The following LUZP2 variants were observed in gnomAD, a reference collection of about 807,000 sequenced individuals.
LUZP2 encodes leucine zipper protein 2.
Under a neutral mutation model 51.6 loss-of-function variants are expected in LUZP2, and 52 were observed. That is an observed-to-expected ratio of 1.01 (90% CI 0.81 to 1.27). The LOEUF (loss-of-function observed/expected upper bound fraction) is 1.27, where lower values mean the gene tolerates loss of function less well. Among genes scored for constraint, LUZP2 ranks in the 50% most tolerant of loss-of-function variants. The pLI is 0.00. For missense variants in LUZP2, 436 were observed against 395.4 expected, an observed-to-expected ratio of 1.10 and a Z score of -0.87; for synonymous variants, 154 against 137.3, an observed-to-expected ratio of 1.12 and a Z score of -0.85.
chr11:24,699,386 C>G (rs895126651), intron 1 of LUZP2, among the ~76,000 whole-genome samples: 1 of 152,020 alleles, frequency 6.6e-6, no homozygotes, highest in Non-Finnish European at 1.5e-5. Context: ...TCACATTTTT[C>G]ATGAACTTTT....
At chr11:24,920,004 A>C (rs1853982542) in intron 7 of LUZP2, among the ~76,000 whole-genome samples, 1 of 151,856 alleles carries the variant, frequency 6.6e-6, no homozygotes, top group South Asian at 2.1e-4. Flanking sequence ...CCTTTAAGAG[A>C]TTATAAAGTA....
chr11:24,497,355 A>T, intron 1 of LUZP2, 50 bp downstream of exon 1: 1 of 1,411,842 alleles, frequency 7.1e-7, no homozygotes, highest in Non-Finnish European at 9.4e-7. Flanking sequence ...TGCCGGGGCG[A>T]GGTTGGTCCT....
chr11:25,012,408 TA>T, intron 9 of LUZP2, among the ~76,000 whole-genome samples: 1 of 152,282 alleles, frequency 6.6e-6, no homozygotes, highest in East Asian at 1.9e-4. Context: ...ACATTGTAAA[TA>T]TTGGACTTCC....
At chr11:24,526,021 A>G (rs982585137) in intron 1 of LUZP2, among the ~76,000 whole-genome samples, 10 of 151,458 alleles carry the variant, frequency 6.6e-5, no homozygotes, top group African/African-American at 2.4e-4. Flanking sequence ...AGCATACATT[A>G]CCAAATACTG....
At chr11:24,938,253 ATT>A (rs1854645992) in intron 7 of LUZP2, among the ~76,000 whole-genome samples, 1 of 152,130 alleles carries the variant, frequency 6.6e-6, no homozygotes. Flanking sequence ...TTTTAAATCT[ATT>A]TTTTAATTAA....
chr11:24,607,259 T>C (rs1279693527), intron 1 of LUZP2, among the ~76,000 whole-genome samples: 2 of 151,606 alleles, frequency 1.3e-5, no homozygotes, highest in Non-Finnish European at 2.9e-5. Flanking sequence ...TTCTAATTAT[T>C]TTATAGCTCC....
chr11:24,546,219 G>A lies in LUZP2; in HGVS notation c.62+48914G>A, dbSNP rs1414234143. 7.2e-5 allele frequency among the ~76,000 whole-genome samples: 11 copies of A among 151,940 alleles called. 1 individual carries two copies. The South Asian group carries it at 1.2e-3, about 17-fold the overall frequency. On this transcript the variant is annotated intron_variant, in intron 1 of 11. Coordinates refer to ENST00000336930, the MANE Select transcript of LUZP2 (RefSeq NM_001009909.4). The stretch of plus-strand genomic sequence containing the variant: ...GGTTTCTTCGATACAGGATTATATT[G>A]TCTACAAATAAGGATAGTTTGACTT...
chr11:24,786,118 C>G, intron 5 of LUZP2: 3 of 985,264 alleles, frequency 3.0e-6, no homozygotes, highest in Non-Finnish European at 3.6e-6. Context: ...TTTAGGCCCT[C>G]ACAAATCCCT....
chr11:24,719,708 T>C (rs1858191211), intron 1 of LUZP2, among the ~76,000 whole-genome samples: 1 of 152,242 alleles, frequency 6.6e-6, no homozygotes, highest in Non-Finnish European at 1.5e-5. Context: ...CTCTTGAATC[T>C]GGCCTGAACT....
intron 7 of LUZP2, among the ~76,000 whole-genome samples, chr11:24,922,837 C>CTTTTTTTT (rs749672583): frequency 1.9e-4 from 9 of 47,316 alleles, no homozygotes; most frequent in African/African-American, 3.4e-4. Context: ...TTTTTTTTTT[C>CTTTTTTTT]TTTTTTTTTT....
At chr11:24,691,921 T>C (rs1857078739) in intron 1 of LUZP2, among the ~76,000 whole-genome samples, 1 of 152,010 alleles carries the variant, frequency 6.6e-6, no homozygotes, top group African/African-American at 2.4e-5. Flanking sequence ...CAAAGATTCA[T>C]TTAGTAGATT....
chr11:24,886,338 C>A (rs1304535511), intron 5 of LUZP2, among the ~76,000 whole-genome samples: 1 of 152,108 alleles, frequency 6.6e-6, no homozygotes, highest in African/African-American at 2.4e-5. Context: ...GCCTAGGTGG[C>A]TGATTCAGTT....
chr11:24,673,863 CAT>C lies in LUZP2; in HGVS notation c.63-55303_63-55302del, dbSNP rs1001323654. On this transcript the variant is annotated intron_variant, in intron 1 of 11. Coordinates refer to ENST00000336930, the MANE Select transcript of LUZP2 (RefSeq NM_001009909.4). ...TTTTATTGTTCTCACTTTCTTAACA[CAT>C]ATTCACTTCCTAAACCATCTAAATT... Among the ~76,000 whole-genome samples, 58 of 152,316 alleles carry C rather than the reference CAT, an allele frequency of 3.8e-4. 1 individual carries two copies. Among genetic ancestry groups the C allele is most frequent in the African/African-American group, 1.3e-3 (55 of 41,572 alleles).
intron 1 of LUZP2, among the ~76,000 whole-genome samples, chr11:24,559,975 G>A (rs771066287): frequency 2.0e-5 from 3 of 152,106 alleles, no homozygotes; most frequent in Admixed American, 6.6e-5. Flanking sequence ...GACCTGTCGG[G>A]GGGTGGCAGG....
intron 1 of LUZP2, among the ~76,000 whole-genome samples, chr11:24,507,615 T>C (rs1850181067): frequency 6.6e-6 from 1 of 151,986 alleles, no homozygotes; most frequent in Non-Finnish European, 1.5e-5. Flanking sequence ...CTACAAAGAA[T>C]TCACACTTAA....
intron 5 of LUZP2, among the ~76,000 whole-genome samples, chr11:24,852,594 G>T (rs748648717): frequency 6.8e-6 from 1 of 147,756 alleles, no homozygotes; most frequent in Non-Finnish European, 1.5e-5. Flanking sequence ...AGTTGGGGTG[G>T]AGAATTTTGT....
intron 5 of LUZP2, among the ~76,000 whole-genome samples, chr11:24,773,999 T>G (rs1320816327): frequency 1.3e-5 from 2 of 152,060 alleles, no homozygotes; most frequent in Non-Finnish European, 2.9e-5. Flanking sequence ...TACAAAGTAT[T>G]GATCCTGGGT....
At chr11:24,713,835 T>C (rs1423301742) in intron 1 of LUZP2, among the ~76,000 whole-genome samples, 1 of 149,126 alleles carries the variant, frequency 6.7e-6, no homozygotes, top group African/African-American at 2.5e-5. Flanking sequence ...ATTATAGGCG[T>C]GCAGCACCAT....
At chr11:24,622,488 G>C (rs1854533200) in intron 1 of LUZP2, among the ~76,000 whole-genome samples, 1 of 151,792 alleles carries the variant, frequency 6.6e-6, no homozygotes, top group Admixed American at 6.7e-5. Flanking sequence ...GGGATTTAAA[G>C]GCCTGAGACA....
Sources: gnomAD v4.1 joint callset for allele counts (sites outside exome capture counted in the v4.1 genomes callset) on GRCh38, gnomAD v4.1.1 for gene constraint, MANE v1.5 for transcripts, NCBI Gene and HGNC (gene_info 2026-07-23, HGNC 2026-07-21) for gene names.